RGS6: variants seen among roughly 807,000 people sequenced by gnomAD.
The protein encoded by RGS6 is regulator of G-protein signaling 6.
Under a neutral mutation model 78.5 loss-of-function variants are expected in RGS6, and 30 were observed. The ratio of observed to expected loss-of-function variants is 0.38; its 90% CI spans 0.29 to 0.52. The LOEUF (loss-of-function observed/expected upper bound fraction) is 0.52, where lower values mean the gene tolerates loss of function less well. RGS6 is among the 20% of genes least tolerant of loss of function. RGS6 has a pLI of 0.85. For synonymous variants in RGS6, 206 were observed against 206.0 expected (o/e 1.00, Z 0.00); for missense variants, 495 against 609.7 (o/e 0.81, Z 1.98).
At chr14:72,082,983 T>A (rs1294680101) in intron 2 of RGS6, among the ~76,000 whole-genome samples, 1 of 152,150 alleles carries the variant, frequency 6.6e-6, no homozygotes, top group African/African-American at 2.4e-5. Flanking sequence ...TGTAATCACA[T>A]GGTGGGTATA....
intron 2 of RGS6, among the ~76,000 whole-genome samples, chr14:71,984,543 G>A (rs2094609117): frequency 6.7e-6 from 1 of 149,008 alleles, no homozygotes; most frequent in Non-Finnish European, 1.5e-5. Flanking sequence ...AATTTGAAGA[G>A]AAATCATCTG....
At chr14:71,971,649 G>A (rs1157488109) in intron 2 of RGS6, among the ~76,000 whole-genome samples, 1 of 152,202 alleles carries the variant, frequency 6.6e-6, no homozygotes, top group Non-Finnish European at 1.5e-5. Context: ...TAATCCAAGT[G>A]CAGATTCCGT....
intron 9 of RGS6, among the ~76,000 whole-genome samples, chr14:72,473,404 A>G (rs1292439896): frequency 2.0e-5 from 3 of 152,232 alleles, no homozygotes; most frequent in African/African-American, 7.2e-5. Flanking sequence ...AGAGCGCACC[A>G]CTGCACTCCA....
chr14:72,547,182 G>A lies in RGS6; in HGVS notation c.1422+7088G>A, dbSNP rs537318501. On this transcript the variant is annotated intron_variant, in intron 17 of 17. Coordinates refer to ENST00000553525, the MANE Select transcript of RGS6 (RefSeq NM_001204424.2). ...GACAGAGCCTGCCTCAGTCCTGTCC[G>A]GGGAGCAGCAGCACCGCAGCAGAGG... The A allele has an allele frequency of 4.8e-5, 73 of 1,535,024 alleles. No homozygotes were observed. In the East Asian group the frequency reaches 7.3e-4, roughly 15 times the overall value.
At chr14:72,021,781 T>A (rs981681348) in intron 2 of RGS6, among the ~76,000 whole-genome samples, 2 of 151,876 alleles carry the variant, frequency 1.3e-5, no homozygotes, top group Non-Finnish European at 2.9e-5. Context: ...CTTTTTTTTT[T>A]AAAGTTTTAT....
chr14:72,300,857 A>G (rs1023846309), intron 2 of RGS6, among the ~76,000 whole-genome samples: 4 of 152,198 alleles, frequency 2.6e-5, no homozygotes, highest in Admixed American at 2.6e-4. Context: ...AAAAAATGCA[A>G]TGTGGATGAG....
intron 2 of RGS6, among the ~76,000 whole-genome samples, chr14:72,287,962 G>A (rs1233506235): frequency 3.9e-5 from 6 of 152,284 alleles, no homozygotes; most frequent in African/African-American, 7.2e-5. Context: ...CATGGTGTAT[G>A]GTACTTTTAA....
At chr14:72,143,449 T>G (rs2096567965) in intron 2 of RGS6, among the ~76,000 whole-genome samples, 1 of 152,236 alleles carries the variant, frequency 6.6e-6, no homozygotes, top group Non-Finnish European at 1.5e-5. Flanking sequence ...TTATTTGTTG[T>G]TAATTAAATA....
intron 2 of RGS6, among the ~76,000 whole-genome samples, chr14:72,242,826 CTTCAT>C (rs1473404384): frequency 7.1e-6 from 1 of 140,380 alleles, no homozygotes; most frequent in Non-Finnish European, 1.5e-5. Flanking sequence ...ATTTTTCCAA[CTTCAT>C]TTCTTTTCTT....
chr14:72,427,880 A>G (rs1466052160), intron 3 of RGS6, among the ~76,000 whole-genome samples: 2 of 152,222 alleles, frequency 1.3e-5, no homozygotes, highest in Non-Finnish European at 2.9e-5. Flanking sequence ...ACAAGCCAAA[A>G]TAATCAGGAA....
At chr14:72,021,531 C>T (rs1183094315) in intron 2 of RGS6, among the ~76,000 whole-genome samples, 16 of 145,120 alleles carry the variant, frequency 1.1e-4, no homozygotes, top group Non-Finnish European at 1.8e-4. Flanking sequence ...TGCAATGGCA[C>T]GATCTCAGCT....
chr14:72,372,518 T>C (rs1158474781), intron 3 of RGS6, among the ~76,000 whole-genome samples: 1 of 152,210 alleles, frequency 6.6e-6, no homozygotes, highest in Non-Finnish European at 1.5e-5. Flanking sequence ...ACATTTGAGC[T>C]TATCACTGAT....
At chr14:72,411,753 T>C (rs1288353556) in intron 3 of RGS6, among the ~76,000 whole-genome samples, 1 of 152,228 alleles carries the variant, frequency 6.6e-6, no homozygotes, top group East Asian at 1.9e-4. Flanking sequence ...CAATACCTAA[T>C]TTATTGAAAG....
At chr14:72,174,162 G>T (rs549952248) in intron 2 of RGS6, among the ~76,000 whole-genome samples, 8 of 152,308 alleles carry the variant, frequency 5.3e-5, no homozygotes, top group African/African-American at 1.9e-4. Flanking sequence ...AGGCTCAAGT[G>T]CAAGGCACGA....
intron 3 of RGS6, among the ~76,000 whole-genome samples, chr14:72,416,106 C>T (rs2093790938): frequency 6.7e-6 from 1 of 149,046 alleles, no homozygotes; most frequent in Non-Finnish European, 1.5e-5. Flanking sequence ...CAAGATCGCA[C>T]TGCACCCCAG....
At position 72,562,972 on chromosome 14, in the gene RGS6, A is replaced by C; in HGVS notation, c.*505A>C. On this transcript the variant is annotated 3_prime_UTR_variant, in exon 18 of 18. Transcript: ENST00000553525. ...TCCCCACCGCCGCCTGTCATCCCTC[A>C]CGTCTCTGTGGCCACCCGGGTGTCA... 1.7e-6 allele frequency: 1 copy of C among 596,458 alleles called. No homozygotes were observed. Among genetic ancestry groups the C allele is most frequent in the Non-Finnish European group, 3.0e-6 (1 of 331,906 alleles). 36.9% of individuals were successfully genotyped at this position (596,458 alleles called of 1,614,324 possible). A position where few individuals can be genotyped will look rare whatever the true frequency, so the allele number is the denominator to read the frequency against.
intron 2 of RGS6, among the ~76,000 whole-genome samples, chr14:72,148,803 A>AT (rs2096643225): frequency 6.6e-6 from 1 of 152,216 alleles, no homozygotes; most frequent in African/African-American, 2.4e-5. Context: ...GACAGGTTGA[A>AT]TTCAAAGTAT....
At chr14:72,528,379 C>G (rs192959348) in intron 15 of RGS6, among the ~76,000 whole-genome samples, 4 of 152,250 alleles carry the variant, frequency 2.6e-5, no homozygotes, top group South Asian at 4.2e-4. Flanking sequence ...AGTGGCTCAT[C>G]GGGGTAACAT....
At chr14:72,109,404 CA>C (rs1432078113) in intron 2 of RGS6, among the ~76,000 whole-genome samples, 2 of 152,140 alleles carry the variant, frequency 1.3e-5, no homozygotes, top group Admixed American at 6.5e-5. Context: ...TCACTGCTAC[CA>C]CTGCCATCTC....
Sources: allele counts gnomAD v4.1 joint callset (sites outside exome capture counted in the v4.1 genomes callset), GRCh38; gene constraint gnomAD v4.1.1; transcripts MANE v1.5; gene names NCBI Gene and HGNC (gene_info 2026-07-23, HGNC 2026-07-21).